Variants in E2F2 observed in about 807,000 individuals in gnomAD.
E2F2 encodes transcription factor E2F2.
In E2F2, 22 loss-of-function variants were observed where a neutral mutation model predicts 42.2. The ratio of observed to expected loss-of-function variants is 0.52; its 90% CI spans 0.37 to 0.74. E2F2 has a LOEUF of 0.74. E2F2 is among the 30% of genes least tolerant of loss of function. The probability of loss-of-function intolerance (pLI) is 0.00; values close to 1 mark genes in which losing one functional copy is unlikely to be tolerated. For synonymous variants in E2F2, 248 were observed against 251.6 expected, an observed-to-expected ratio of 0.99 and a Z score of 0.13; for missense variants, 481 against 557.8, an observed-to-expected ratio of 0.86 and a Z score of 1.39.
At chr1:23,511,930 G>T (rs1004903063) in intron 6 of E2F2, among the ~76,000 whole-genome samples, 1 of 152,148 alleles carries the variant, frequency 6.6e-6, no homozygotes, top group Non-Finnish European at 1.5e-5. Context: ...TGGTGCGGTG[G>T]CTCATGCCTA....
chr1:23,524,349 AC>A, intron 2 of E2F2, 33 bp downstream of exon 2: 1 of 1,098,476 alleles, frequency 9.1e-7, no homozygotes, highest in Non-Finnish European at 1.3e-6. Context: ...CCCCTGCCCC[AC>A]CCCACCCCAG....
At chr1:23,516,810 G>GGC (rs1491259686) in intron 5 of E2F2, among the ~76,000 whole-genome samples, 1 of 132,792 alleles carries the variant, frequency 7.5e-6, no homozygotes, top group African/African-American at 2.6e-5. Context: ...GGGGGGGGGG[G>GGC]GCAGCACCCT....
intron 3 of E2F2, 73 bp from the exon 4 acceptor site, chr1:23,521,144 T>C: frequency 1.4e-6 from 2 of 1,441,218 alleles, no homozygotes; most frequent in Non-Finnish European, 1.8e-6. Flanking sequence ...AAAAATAGTC[T>C]ATGAGGGTGC....
In E2F2 at chr1:23,530,628, C is replaced by A; in HGVS notation, c.166G>T (p.Ala56Ser). 1 of 1,613,158 alleles carries A rather than the reference C, an allele frequency of 6.2e-7. No individual in the cohort carries two copies. Among genetic ancestry groups the A allele is most frequent in the Non-Finnish European group, 8.5e-7 (1 of 1,179,754 alleles). Residue 56 changes from alanine (A) to serine (S), a missense_variant, in exon 1 of 7, where the codon GCA (alanine) becomes TCA (serine). Transcript: ENST00000361729. This position sits in a 1 kb window ranked among gnomAD's most constrained non-coding sequence, Gnocchi z 4.4. ...TPLYPQTAPP[A>S]AAPGTCLDAT... The stretch of plus-strand genomic sequence containing the variant: ...TCGAGGCAGGTGCCTGGCGCCGCTG[C>A]GGGAGGCGCCGTCTGCGGGTACAGC...
At chr1:23,515,655 G>C (rs539122417) in intron 6 of E2F2, among the ~76,000 whole-genome samples, 1 of 152,124 alleles carries the variant, frequency 6.6e-6, no homozygotes, top group South Asian at 2.1e-4. Flanking sequence ...CAGAGTGCTG[G>C]GATTATAGGT....
At chr1:23,524,744 C>A (rs1338950671) in intron 1 of E2F2, among the ~76,000 whole-genome samples, 1 of 152,218 alleles carries the variant, frequency 6.6e-6, no homozygotes, top group African/African-American at 2.4e-5. Flanking sequence ...TGAGACCCTA[C>A]CAAAGCCAGT....
chr1:23,525,420 T>C (rs1489212592), intron 1 of E2F2, among the ~76,000 whole-genome samples: 1 of 152,184 alleles, frequency 6.6e-6, no homozygotes, highest in Non-Finnish European at 1.5e-5. Context: ...CAGAGACCCA[T>C]GCTTGAATCT....
At chr1:23,524,332 C>A in intron 2 of E2F2, 51 bp downstream of exon 2, 2 of 1,375,068 alleles carry the variant, frequency 1.5e-6, no homozygotes, top group South Asian at 2.6e-5. Context: ...CAGGGCACTG[C>A]CCTCTGCCCC....
In E2F2 at chr1:23,520,243, C is replaced by CAAAAA. The variant is rs66460864; in HGVS notation, c.737+665_737+669dup. Among the ~76,000 whole-genome samples the CAAAAA allele has an allele frequency of 9.1e-4, 72 of 78,870 alleles. 8 individuals are homozygous for CAAAAA. Among genetic ancestry groups the CAAAAA allele is most frequent in the African/African-American group, 4.1e-3 (50 of 12,134 alleles). 51.7% of individuals were successfully genotyped at this position (78,870 alleles called of 152,430 possible). A position where few individuals can be genotyped will look rare whatever the true frequency, so the allele number is the denominator to read the frequency against. The stretch of plus-strand genomic sequence containing the variant: ...CCTGGGCAAGAGTGAGACTCTGTCT[C>CAAAAA]AAAAAAAAAAAAAAAAAAAAAAAAA... On this transcript the variant is annotated intron_variant, in intron 4 of 6. Coordinates refer to ENST00000361729, the MANE Select transcript of E2F2 (RefSeq NM_004091.4).
intron 2 of E2F2, among the ~76,000 whole-genome samples, 187 bp downstream of exon 2, chr1:23,524,196 T>A (rs1368301284): frequency 6.6e-6 from 1 of 152,102 alleles, no homozygotes; most frequent in Non-Finnish European, 1.5e-5. Flanking sequence ...TCAAGCTCTC[T>A]GAGTCTCAAG....
chr1:23,515,688 T>A (rs952849703), intron 6 of E2F2, among the ~76,000 whole-genome samples: 11 of 151,888 alleles, frequency 7.2e-5, no homozygotes, highest in African/African-American at 2.7e-4. Flanking sequence ...GCCTGGCCTA[T>A]TTTTTAAAAT....
chr1:23,512,221 AC>A, intron 6 of E2F2, among the ~76,000 whole-genome samples: 3 of 152,034 alleles, frequency 2.0e-5, no homozygotes, highest in African/African-American at 7.2e-5. Flanking sequence ...AAATAAATAA[AC>A]AAACAAATAA....
chr1:23,509,898 C>T lies in E2F2; in HGVS notation c.1296G>A (p.Gly432=). 6.4e-7 allele frequency: 1 copy of T among 1,554,998 alleles called. No homozygotes were observed. Among genetic ancestry groups the T allele is most frequent in the Middle Eastern group, 1.7e-4 (1 of 5,796 alleles). ...GGGCCACTCAATTAATCAACAGGTC[C>T]CCAAGGTCGTAGGAGTCGAAGAGAT... ...ISDLFDSYDL[G]DLLIN is the part of the protein sequence containing the mutation. Residue 432 remains glycine (G), a synonymous_variant, in exon 7 of 7, where the codon GGG becomes GGA. Coordinates refer to ENST00000361729, the MANE Select transcript of E2F2 (RefSeq NM_004091.4).
In E2F2 at chr1:23,509,779, C is replaced by T. The variant is rs1436889413; in HGVS notation, c.*101G>A. On this transcript the variant is annotated 3_prime_UTR_variant, in exon 7 of 7. Transcript: ENST00000361729. ...GCGAGGAGACCCCATGCCCTGAGGGCAGCACCTAGTGTCCAATGTCCCTGT... is the reference window on the plus strand; with the variant it reads ...GCGAGGAGACCCCATGCCCTGAGGGTAGCACCTAGTGTCCAATGTCCCTGT... 6.9e-7 allele frequency: 1 copy of T among 1,442,166 alleles called. No homozygotes were observed. Among genetic ancestry groups the T allele is most frequent in the East Asian group, 2.6e-5 (1 of 39,056 alleles). The allele number at this position is 1,442,166 out of a possible 1,614,324, so 89.3% of individuals were successfully genotyped here. A position where few individuals can be genotyped will look rare whatever the true frequency, so the allele number is the denominator to read the frequency against.
Position 23,522,039 on chromosome 1 carries a change from C to T in E2F2, c.376G>A (p.Glu126Lys), listed in dbSNP as rs1362482153. ...PSPKTPKSPG[E>K]KTRYDTSLGL... ...AGCGAAGTGTCATACCGAGTCTTCT[C>T]CCCGGGGGATTTGGGGGCTGAAGAA... The change falls in exon 3 of 7, where the codon GAG (glutamate) becomes AAG (lysine). Residue 126 changes from glutamate (E) to lysine (K), a missense_variant. By Grantham distance (56) the Glu-to-Lys change is moderately conservative. Coordinates refer to ENST00000361729, the MANE Select transcript of E2F2 (RefSeq NM_004091.4). 1.9e-6 allele frequency: 3 copies of T among 1,613,980 alleles called. No homozygotes were observed. In the African/African-American group the frequency reaches 4.0e-5, roughly 22 times the overall value.
chr1:23,516,417 G>A lies in E2F2; in HGVS notation c.963C>T (p.Thr321=), dbSNP rs1200272944. 1.9e-6 allele frequency: 3 copies of A among 1,601,674 alleles called. No individual in the cohort carries two copies. Among genetic ancestry groups the A allele is most frequent in the African/African-American group, 1.4e-5 (1 of 74,056 alleles). ...AGTCAGGGCTGGGGCAGAGGGTGGA[G>A]GTAGAGGGGAGAGGCTCCTCGGAAG... The part of the protein sequence containing the change: ...DSPSEEPLPS[T]STLCPSPDSA... The change falls in exon 6 of 7, where the codon ACC becomes ACT. Residue 321 remains threonine, a synonymous_variant. Coordinates refer to ENST00000361729, the MANE Select transcript of E2F2 (RefSeq NM_004091.4).
In E2F2 at chr1:23,520,926, T is replaced by G. The variant is rs1558248408; in HGVS notation, c.724A>C (p.Lys242Gln). 1 of 1,596,418 alleles carries G rather than the reference T, an allele frequency of 6.3e-7. No individual in the cohort carries two copies. Residue 242 changes from lysine to glutamine, a missense_variant, in exon 4 of 7, where the codon AAG becomes CAG. Coordinates refer to ENST00000361729, the MANE Select transcript of E2F2 (RefSeq NM_004091.4). ...CAAGGAGGATATCTCTTGTTGGCCT[T>G]GTCCTCAGTCAGGTGCTTGAAGCTC... ...SLSFKHLTED[K>Q]ANKRLAYVTY...
intron 6 of E2F2, 69 bp from the exon 7 acceptor site, chr1:23,510,217 TC>T (rs2148686647): frequency 6.9e-7 from 1 of 1,452,348 alleles, no homozygotes; most frequent in Non-Finnish European, 9.1e-7. Flanking sequence ...AGGACAGACT[TC>T]CGGTTCTCTG....
intron 6 of E2F2, among the ~76,000 whole-genome samples, chr1:23,510,509 G>A (rs959520751): frequency 1.3e-5 from 2 of 152,114 alleles, no homozygotes; most frequent in Non-Finnish European, 2.9e-5. Context: ...ATTTTTAGTA[G>A]AGATGGGGTT....
Sources: gnomAD v4.1 joint callset for allele counts (sites outside exome capture counted in the v4.1 genomes callset) on GRCh38, gnomAD v4.1.1 for gene constraint, Gnocchi (gnomAD v3.1) non-coding constraint, MANE v1.5 for transcripts, NCBI Gene and HGNC (gene_info 2026-07-23, HGNC 2026-07-21) for gene names.